The following LUZP2 variants were observed in gnomAD, a reference collection of about 807,000 sequenced individuals.
The protein encoded by LUZP2 is leucine zipper protein 2.
In LUZP2, 52 loss-of-function variants were observed where a neutral mutation model predicts 51.6. The observed-to-expected ratio is 1.01, with a 90% CI of 0.81 to 1.27. LUZP2 has a LOEUF of 1.27. LUZP2 is among the 50% of genes most tolerant of loss of function. The pLI, the probability that LUZP2 is intolerant of heterozygous loss-of-function variation, is 0.00. For missense variants in LUZP2, 436 were observed against 395.4 expected (o/e 1.10, Z -0.87); for synonymous variants, 154 against 137.3 (o/e 1.12, Z -0.85).
rs1852746232 is a variant in LUZP2 at position 24,888,619 on chromosome 11, CA to C, written c.397-17367del. On this transcript the variant is annotated intron_variant, in intron 5 of 11. Coordinates refer to ENST00000336930, the MANE Select transcript of LUZP2 (RefSeq NM_001009909.4). ...CTGACACATACGCATGCTGAGTTCC[CA>C]AAAAGTTGTAGGAATATTTGTTTTT... Among the ~76,000 whole-genome samples the C allele has an allele frequency of 5.3e-5, 8 of 152,156 alleles. No individual in the cohort carries two copies. The South Asian group carries it at 1.7e-3, about 32-fold the overall frequency.
At chr11:25,008,658 G>A (rs1856901495) in intron 9 of LUZP2, among the ~76,000 whole-genome samples, 1 of 152,114 alleles carries the variant, frequency 6.6e-6, no homozygotes, top group African/African-American at 2.4e-5. Flanking sequence ...TCCTGTCCTG[G>A]GACAAAGAAG....
intron 1 of LUZP2, among the ~76,000 whole-genome samples, chr11:24,601,980 A>ATATATATGTGTATATATGTATATATATG (rs1853674990): frequency 1.5e-5 from 1 of 64,706 alleles, no homozygotes; most frequent in Non-Finnish European, 3.0e-5. Context: ...GTGTATATGT[A>ATATATATGTGTATATATGTATATATATG]TATATATGTG....
At chr11:24,904,015 T>A (rs140681264) in intron 5 of LUZP2, among the ~76,000 whole-genome samples, 1 of 152,116 alleles carries the variant, frequency 6.6e-6, no homozygotes, top group Non-Finnish European at 1.5e-5. Flanking sequence ...CTGGATTACA[T>A]AGTAATCAAT....
intron 5 of LUZP2, among the ~76,000 whole-genome samples, chr11:24,863,657 G>A (rs1590657131): frequency 6.6e-6 from 1 of 152,128 alleles, no homozygotes; most frequent in East Asian, 1.9e-4. Context: ...AACTGAAAAT[G>A]TACTAAAACC....
intron 7 of LUZP2, among the ~76,000 whole-genome samples, chr11:24,941,463 T>C (rs1854744055): frequency 6.6e-6 from 1 of 152,164 alleles, no homozygotes; most frequent in South Asian, 2.1e-4. Flanking sequence ...CAGAAATTAA[T>C]TCATTCAACA....
chr11:24,572,212 A>G (rs1356933349), intron 1 of LUZP2, among the ~76,000 whole-genome samples: 3 of 151,986 alleles, frequency 2.0e-5, no homozygotes, highest in African/African-American at 4.8e-5. Flanking sequence ...TTTTAAATAA[A>G]CTGAATTATT....
At chr11:25,030,110 T>A (rs1857603419) in intron 9 of LUZP2, among the ~76,000 whole-genome samples, 1 of 152,186 alleles carries the variant, frequency 6.6e-6, no homozygotes, top group African/African-American at 2.4e-5. Flanking sequence ...CCTTTGTGTG[T>A]TTGCATATTT....
In LUZP2 at chr11:24,529,701, C is replaced by A. The variant is rs370910001; in HGVS notation, c.62+32396C>A. Among the ~76,000 whole-genome samples the A allele has an allele frequency of 4.6e-5, 7 of 150,854 alleles. No homozygotes were observed. The East Asian group carries it at 1.4e-3, about 29-fold the overall frequency. ...TTCTCCACAAGTAGTGAAATTTCCC[C>A]CCATTTAATAGAGCAAAAGAATATG... On this transcript the variant is annotated intron_variant, in intron 1 of 11. Transcript: ENST00000336930.
intron 5 of LUZP2, among the ~76,000 whole-genome samples, chr11:24,802,416 A>T (rs1023692425): frequency 2.0e-5 from 3 of 151,680 alleles, no homozygotes; most frequent in Admixed American, 6.6e-5. Flanking sequence ...AGACACATTT[A>T]TGTTGGGTTT....
chr11:25,027,369 A>G (rs1590851886), intron 9 of LUZP2, among the ~76,000 whole-genome samples: 1 of 152,244 alleles, frequency 6.6e-6, no homozygotes, highest in East Asian at 1.9e-4. Context: ...ATGTGTCATC[A>G]TTTACATTAT....
intron 7 of LUZP2, among the ~76,000 whole-genome samples, chr11:24,957,516 T>C (rs994695635): frequency 6.6e-6 from 1 of 152,096 alleles, no homozygotes; most frequent in Admixed American, 6.6e-5. Flanking sequence ...CCCTCGATGC[T>C]TCCCAGCCTC....
At chr11:24,774,556 A>G (rs1394579620) in intron 5 of LUZP2, among the ~76,000 whole-genome samples, 6 of 55,358 alleles carry the variant, frequency 1.1e-4, no homozygotes, top group African/African-American at 5.3e-4. Context: ...TATAGAATAT[A>G]TTCTATATAT....
intron 1 of LUZP2, among the ~76,000 whole-genome samples, chr11:24,703,464 A>T (rs778666795): frequency 1.3e-5 from 2 of 152,184 alleles, no homozygotes; most frequent in Non-Finnish European, 2.9e-5. Flanking sequence ...CAGAACAATG[A>T]TGAAAAATAC....
At chr11:24,701,280 C>A in intron 1 of LUZP2, 1 of 163,922 alleles carries the variant, frequency 6.1e-6, no homozygotes. Flanking sequence ...CCCAGATGCC[C>A]AAGAGGAAGG....
chr11:24,926,858 C>T (rs35047937), intron 7 of LUZP2, among the ~76,000 whole-genome samples: 72,266 of 151,332 alleles, frequency 0.48, 17,481 homozygotes, highest in East Asian at 0.76. Context: ...TTCCCACCAG[C>T]AGTGTAAAAA....
rs535802725 is a variant in LUZP2 at position 24,877,098 on chromosome 11, G to A, written c.397-28893G>A. On this transcript the variant is annotated intron_variant, in intron 5 of 11. Coordinates refer to ENST00000336930, the MANE Select transcript of LUZP2 (RefSeq NM_001009909.4). ...ATAAAAGCATCAAATAAATATCCAG[G>A]ATTAGAAATATGTAATACTATAATG... Among the ~76,000 whole-genome samples the A allele has an allele frequency of 2.0e-5, 3 of 152,170 alleles. No homozygotes were observed. In the South Asian group the frequency reaches 6.2e-4, roughly 32 times the overall value.
intron 10 of LUZP2, among the ~76,000 whole-genome samples, chr11:25,055,250 C>T (rs923063254): frequency 6.6e-6 from 1 of 151,952 alleles, no homozygotes; most frequent in Non-Finnish European, 1.5e-5. Flanking sequence ...ACCTTGTGAT[C>T]CACCCGCCTT....
chr11:24,797,981 T>C (rs1236589704), intron 5 of LUZP2, among the ~76,000 whole-genome samples: 3 of 152,082 alleles, frequency 2.0e-5, no homozygotes, highest in Admixed American at 6.6e-5. Flanking sequence ...AAATACAAAG[T>C]AAAAGGAGCT....
At chr11:24,600,618 T>G (rs1457161734) in intron 1 of LUZP2, among the ~76,000 whole-genome samples, 1 of 152,132 alleles carries the variant, frequency 6.6e-6, no homozygotes, top group Non-Finnish European at 1.5e-5. Context: ...ATTATCAAAC[T>G]CTAACTAAAA....
Sources: allele counts gnomAD v4.1 joint callset (sites outside exome capture counted in the v4.1 genomes callset), GRCh38; gene constraint gnomAD v4.1.1; transcripts MANE v1.5; gene names NCBI Gene and HGNC (gene_info 2026-07-23, HGNC 2026-07-21).